METTL16: variants seen among roughly 807,000 people sequenced by gnomAD.
The protein encoded by METTL16 is methyltransferase 16, RNA N6-adenosine.
METTL16 carries 19 observed loss-of-function variants against 57.9 expected under a neutral mutation model. That is an observed-to-expected ratio of 0.33 (90% confidence interval 0.23 to 0.48). The LOEUF is 0.48. METTL16 is among the 20% of genes least tolerant of loss of function. METTL16 has a pLI of 0.99. For missense variants in METTL16, 434 were observed against 691.5 expected (o/e 0.63, Z 4.18); for synonymous variants, 246 against 255.6 (o/e 0.96, Z 0.36).
intron 2 of METTL16, among the ~76,000 whole-genome samples, chr17:2,498,119 G>A (rs987241984): frequency 1.3e-5 from 2 of 151,084 alleles, no homozygotes; most frequent in African/African-American, 2.5e-5. Flanking sequence ...GCGTGAACCC[G>A]GGAGGCAGAG....
chr17:2,492,190 G>GAC (rs1567904548), intron 2 of METTL16, among the ~76,000 whole-genome samples: 1 of 152,068 alleles, frequency 6.6e-6, no homozygotes, highest in African/African-American at 2.4e-5. Flanking sequence ...CAGCCTGGGC[G>GAC]ACAGAGCAAG....
At chr17:2,447,788 G>C (rs1353787889) in intron 6 of METTL16, among the ~76,000 whole-genome samples, 1 of 115,082 alleles carries the variant, frequency 8.7e-6, no homozygotes, top group African/African-American at 3.9e-5. Context: ...CAGCCGCCCC[G>C]TCCGGGAGGG....
chr17:2,478,676 T>C (rs981410780), intron 2 of METTL16, among the ~76,000 whole-genome samples: 3 of 152,208 alleles, frequency 2.0e-5, no homozygotes, highest in Non-Finnish European at 4.4e-5. Context: ...GAGGCAACCA[T>C]TGATGTACTT....
chr17:2,430,412 CTTTT>C (rs903960118), intron 8 of METTL16, among the ~76,000 whole-genome samples: 10,517 of 117,512 alleles, frequency 0.089, 197 homozygotes, highest in Middle Eastern at 0.18. Context: ...TTAGAATTCT[CTTTT>C]TTTTTTTTTT....
intron 2 of METTL16, among the ~76,000 whole-genome samples, chr17:2,498,575 C>T (rs2067463745): frequency 6.6e-6 from 1 of 151,284 alleles, no homozygotes; most frequent in African/African-American, 2.5e-5. Context: ...TCCGTCTTTA[C>T]TAAAAATACA....
chr17:2,471,481 T>C (rs774448435), intron 4 of METTL16, among the ~76,000 whole-genome samples: 2 of 152,172 alleles, frequency 1.3e-5, no homozygotes, highest in African/African-American at 4.8e-5. Flanking sequence ...CAGTACTGTA[T>C]ACCATTCCTT....
intron 6 of METTL16, among the ~76,000 whole-genome samples, chr17:2,442,028 A>C (rs892693827): frequency 6.6e-6 from 1 of 152,246 alleles, no homozygotes; most frequent in Non-Finnish European, 1.5e-5. Flanking sequence ...ACAGATCATG[A>C]AATCAATTTG....
chr17:2,422,847 G>A (rs1415644870), intron 8 of METTL16, among the ~76,000 whole-genome samples: 1 of 38 alleles, frequency 0.026, no homozygotes. Context: ...AGCCGGGTGT[G>A]GTGGCCGCGC....
chr17:2,479,920 C>G (rs746487143), intron 2 of METTL16, among the ~76,000 whole-genome samples: 1 of 152,102 alleles, frequency 6.6e-6, no homozygotes, highest in Non-Finnish European at 1.5e-5. Flanking sequence ...GGCACGGTGG[C>G]TCACACCTGT....
Position 2,420,679 on chromosome 17 carries a change from A to G in METTL16, c.1062+52T>C, listed in dbSNP as rs2066758488. ...CTCAATAAAAAAAAAAAGAAAAAAG[A>G]AAAAAGAGAAGGATCATTATGAGTA... On this transcript the variant is annotated intron_variant, in intron 9 of 9. Coordinates refer to ENST00000263092, the MANE Select transcript of METTL16 (RefSeq NM_024086.4). The surrounding 1 kb of genome is among the most constrained non-coding windows in gnomAD (Gnocchi z 5.4). 6.4e-7 allele frequency: 1 copy of G among 1,564,860 alleles called. No homozygotes were observed. The highest frequency in any genetic ancestry group is 8.6e-7 in the Non-Finnish European group (1 of 1,161,958).
intron 2 of METTL16, among the ~76,000 whole-genome samples, chr17:2,492,076 T>C (rs1340714554): frequency 6.6e-6 from 1 of 151,036 alleles, no homozygotes; most frequent in Non-Finnish European, 1.5e-5. Context: ...CCGGGCGTGG[T>C]GGCGGGTGCC....
chr17:2,464,122 C>T, intron 6 of METTL16, 86 bp downstream of exon 6: 1 of 1,399,588 alleles, frequency 7.1e-7, no homozygotes, highest in East Asian at 2.4e-5. Context: ...GACTCTGTCC[C>T]CCGCCACCAA....
At chr17:2,473,452 T>C in intron 4 of METTL16, 72 bp downstream of exon 4, 1 of 1,494,234 alleles carries the variant, frequency 6.7e-7, no homozygotes. Flanking sequence ...AAGAAAAAGG[T>C]AATGAAATGC....
chr17:2,443,087 C>T (rs753744692), intron 6 of METTL16, among the ~76,000 whole-genome samples: 1 of 151,892 alleles, frequency 6.6e-6, no homozygotes, highest in Non-Finnish European at 1.5e-5. Context: ...CTTCCGGGCT[C>T]AAGCGATTTT....
chr17:2,443,535 G>A (rs544155973), intron 6 of METTL16, among the ~76,000 whole-genome samples: 24 of 145,196 alleles, frequency 1.7e-4, no homozygotes, highest in African/African-American at 6.0e-4. Context: ...CACCCAGGCT[G>A]GAGTGCAGTA....
At chr17:2,494,082 G>A (rs1567905226) in intron 2 of METTL16, among the ~76,000 whole-genome samples, 2 of 152,162 alleles carry the variant, frequency 1.3e-5, no homozygotes, top group Non-Finnish European at 2.9e-5. Flanking sequence ...GTCTCGCTCT[G>A]TTGCCCTGGC....
intron 2 of METTL16, among the ~76,000 whole-genome samples, chr17:2,487,462 C>CGTAA (rs2067352248): frequency 6.6e-6 from 1 of 152,160 alleles, no homozygotes; most frequent in African/African-American, 2.4e-5. Flanking sequence ...ACAGTCATTA[C>CGTAA]AGAGGAAGTT....
At chr17:2,443,707 G>A (rs2151551529) in intron 6 of METTL16, among the ~76,000 whole-genome samples, 1 of 152,076 alleles carries the variant, frequency 6.6e-6, no homozygotes, top group East Asian at 1.9e-4. Flanking sequence ...CACCATGTTA[G>A]CCAGGATGGT....
intron 6 of METTL16, among the ~76,000 whole-genome samples, chr17:2,448,646 C>CT (rs1374099629): frequency 8.8e-4 from 97 of 109,786 alleles, no homozygotes; most frequent in African/African-American, 3.4e-3. Flanking sequence ...AACCAGAGAC[C>CT]TTTGTTCACT....
Sources: allele counts gnomAD v4.1 joint callset (sites outside exome capture counted in the v4.1 genomes callset), GRCh38; gene constraint gnomAD v4.1.1; non-coding constraint Gnocchi (gnomAD v3.1); transcripts MANE v1.5; gene names NCBI Gene and HGNC (gene_info 2026-07-23, HGNC 2026-07-21).